The following PPP3CA variants were observed in gnomAD, a reference collection of about 807,000 sequenced individuals.
The protein encoded by PPP3CA is protein phosphatase 3 catalytic subunit alpha.
A neutral mutation model predicts 66.5 loss-of-function variants in PPP3CA; 14 were observed. That is an observed-to-expected ratio of 0.21 (90% CI 0.14 to 0.33). The LOEUF is 0.33. Ranked by LOEUF, PPP3CA falls within the 10% of genes least tolerant of loss-of-function variation. PPP3CA has a pLI of 1.00. For missense variants in PPP3CA, 317 were observed against 639.5 expected (o/e 0.50, Z 5.44); for synonymous variants, 232 against 226.2 (o/e 1.03, Z -0.23).
chr4:101,064,849 C>CTA (rs1485873819), intron 8 of PPP3CA, among the ~76,000 whole-genome samples: 2 of 151,952 alleles, frequency 1.3e-5, no homozygotes, highest in Non-Finnish European at 1.5e-5. Flanking sequence ...GGTGTGGATA[C>CTA]TATATATATC....
At chr4:101,034,997 G>T (rs1178286703) in intron 11 of PPP3CA, among the ~76,000 whole-genome samples, 1 of 152,124 alleles carries the variant, frequency 6.6e-6, no homozygotes, top group Non-Finnish European at 1.5e-5. Flanking sequence ...TGGGCACCGT[G>T]GCTCATACCT....
intron 8 of PPP3CA, among the ~76,000 whole-genome samples, chr4:101,075,410 G>T (rs949335565): frequency 6.6e-5 from 10 of 152,074 alleles, no homozygotes; most frequent in African/African-American, 2.4e-4. Flanking sequence ...ACTGTCAGTA[G>T]TGTGTACTGG....
At chr4:101,029,274 C>A in intron 12 of PPP3CA, 79 bp from the exon 13 acceptor site, 1 of 1,268,014 alleles carries the variant, frequency 7.9e-7, no homozygotes, top group Admixed American at 1.8e-5. Context: ...AAATCAGTGA[C>A]CATCAAAGGA....
intron 1 of PPP3CA, among the ~76,000 whole-genome samples, chr4:101,301,495 A>ATT (rs1237890550): frequency 4.3e-5 from 6 of 138,764 alleles, no homozygotes; most frequent in East Asian, 4.0e-4. Context: ...TATATATGTA[A>ATT]TTTTTTTTTT....
chr4:101,314,644 A>G (rs1251853797), intron 1 of PPP3CA, among the ~76,000 whole-genome samples: 2 of 151,796 alleles, frequency 1.3e-5, no homozygotes, highest in Non-Finnish European at 2.9e-5. Context: ...TGTAAAAACT[A>G]TAAATAATGG....
intron 11 of PPP3CA, among the ~76,000 whole-genome samples, chr4:101,034,542 T>C (rs1002639557): frequency 5.3e-5 from 8 of 150,964 alleles, no homozygotes; most frequent in African/African-American, 1.7e-4. Context: ...GCAGGGGTTA[T>C]TGTCTGCTTT....
chr4:101,129,329 C>T (rs1263497266), intron 2 of PPP3CA, among the ~76,000 whole-genome samples: 1 of 152,178 alleles, frequency 6.6e-6, no homozygotes, highest in Non-Finnish European at 1.5e-5. Context: ...CTTCAGTAGA[C>T]TTAAACGTTC....
intron 1 of PPP3CA, among the ~76,000 whole-genome samples, chr4:101,215,469 G>A (rs976732616): frequency 5.3e-5 from 8 of 152,044 alleles, no homozygotes; most frequent in South Asian, 2.1e-4. Flanking sequence ...GGAATCAAGC[G>A]AAAGTTTTCT....
chr4:101,233,989 A>G (rs951391940), intron 1 of PPP3CA, among the ~76,000 whole-genome samples: 3 of 151,792 alleles, frequency 2.0e-5, no homozygotes, highest in African/African-American at 7.2e-5. Flanking sequence ...AAGTAAGAAA[A>G]TGCAGTATTT....
At chr4:101,334,112 A>C (rs1729546210) in intron 1 of PPP3CA, among the ~76,000 whole-genome samples, 1 of 151,846 alleles carries the variant, frequency 6.6e-6, no homozygotes, top group Non-Finnish European at 1.5e-5. Flanking sequence ...TATGGGAAAT[A>C]AGGACATATA....
chr4:101,131,606 G>A (rs1722442617), intron 2 of PPP3CA, among the ~76,000 whole-genome samples: 1 of 152,064 alleles, frequency 6.6e-6, no homozygotes, highest in African/African-American at 2.4e-5. Context: ...CATAAACCAA[G>A]TTCTAAGAGA....
chr4:101,229,368 T>C (rs904555542), intron 1 of PPP3CA, among the ~76,000 whole-genome samples: 8 of 151,632 alleles, frequency 5.3e-5, no homozygotes, highest in Non-Finnish European at 1.2e-4. Context: ...CAGCTATCTA[T>C]ACAAGGTTCT....
chr4:101,144,924 G>C (rs1722922284), intron 2 of PPP3CA, among the ~76,000 whole-genome samples: 1 of 152,076 alleles, frequency 6.6e-6, no homozygotes, highest in Admixed American at 6.5e-5. Flanking sequence ...ATCAAGCTTA[G>C]AAATATATTT....
intron 1 of PPP3CA, among the ~76,000 whole-genome samples, chr4:101,255,387 C>A (rs532939663): frequency 6.6e-6 from 1 of 151,946 alleles, no homozygotes; most frequent in East Asian, 1.9e-4. Context: ...TATTTACATG[C>A]GCTACTTGCA....
intron 1 of PPP3CA, among the ~76,000 whole-genome samples, chr4:101,267,353 C>T (rs1727199506): frequency 6.6e-6 from 1 of 152,140 alleles, no homozygotes; most frequent in Non-Finnish European, 1.5e-5. Flanking sequence ...ATAAAGATTT[C>T]TTTCCAACCA....
chr4:101,174,657 C>A (rs924919308), intron 2 of PPP3CA, among the ~76,000 whole-genome samples: 10 of 152,028 alleles, frequency 6.6e-5, no homozygotes, highest in African/African-American at 2.2e-4. Context: ...ATGGAGGTAT[C>A]CTTCTTAATC....
At chr4:101,192,992 A>C (rs1195946241) in intron 2 of PPP3CA, among the ~76,000 whole-genome samples, 2 of 152,198 alleles carry the variant, frequency 1.3e-5, no homozygotes, top group African/African-American at 4.8e-5. Context: ...CTGTCAAGGA[A>C]ATACTCATTT....
intron 8 of PPP3CA, among the ~76,000 whole-genome samples, chr4:101,067,370 G>A (rs1362146115): frequency 6.6e-6 from 1 of 151,890 alleles, no homozygotes; most frequent in African/African-American, 2.4e-5. Context: ...ACTGAACCTC[G>A]ATTATTTCTA....
chr4:101,206,489 T>C (rs1027784428), intron 1 of PPP3CA, among the ~76,000 whole-genome samples: 2 of 152,194 alleles, frequency 1.3e-5, no homozygotes, highest in African/African-American at 4.8e-5. Context: ...CATCCATACG[T>C]AAGGTAAATT....
Sources: allele counts gnomAD v4.1 joint callset (sites outside exome capture counted in the v4.1 genomes callset), GRCh38; gene constraint gnomAD v4.1.1; transcripts MANE v1.5; gene names NCBI Gene and HGNC (gene_info 2026-07-23, HGNC 2026-07-21).